The following STK24 variants were observed in gnomAD, a reference collection of about 807,000 sequenced individuals.
STK24 encodes the protein serine/threonine kinase 24, also known as serine/threonine-protein kinase 24.
A neutral mutation model predicts 55.6 loss-of-function variants in STK24; 21 were observed. That is an observed-to-expected ratio of 0.38 (90% CI 0.27 to 0.54). The LOEUF is 0.54. Ranked by LOEUF, STK24 falls within the 20% of genes least tolerant of loss-of-function variation. The pLI, the probability that STK24 is intolerant of heterozygous loss-of-function variation, is 0.79. For missense variants in STK24, 383 were observed against 538.4 expected (o/e 0.71, Z 2.86); for synonymous variants, 200 against 215.2 (o/e 0.93, Z 0.62).
chr13:98,553,993 T>A (rs761731166), intron 1 of STK24, among the ~76,000 whole-genome samples: 2 of 145,522 alleles, frequency 1.4e-5, no homozygotes, highest in Admixed American at 7.0e-5. Flanking sequence ...ACCCAGGAGG[T>A]GGAGGCTGCA....
chr13:98,445,983 A>T lies in STK24; in HGVS notation c.*7190T>A, dbSNP rs1892808709. 1.5e-6 allele frequency: 1 copy of T among 683,708 alleles called. No individual in the cohort carries two copies. Among genetic ancestry groups the T allele is most frequent in the Admixed American group, 2.6e-5 (1 of 37,860 alleles). 42.4% of individuals were successfully genotyped at this position (683,708 alleles called of 1,614,324 possible). On this transcript the variant is annotated 3_prime_UTR_variant, in exon 11 of 11. Coordinates refer to ENST00000539966, the MANE Select transcript of STK24 (RefSeq NM_001032296.4). ...ACGGGGGAGCGGGGGTGGGGCCCAC[A>T]TCCTTCAGTCACGGACATGCCCCAG...
chr13:98,511,708 G>A (rs1359817371), intron 2 of STK24, among the ~76,000 whole-genome samples: 2 of 152,178 alleles, frequency 1.3e-5, no homozygotes, highest in Non-Finnish European at 1.5e-5. Context: ...CAACAGATGT[G>A]TGATTCCATC....
At chr13:98,529,509 C>T (rs898103987) in intron 1 of STK24, among the ~76,000 whole-genome samples, 4 of 152,186 alleles carry the variant, frequency 2.6e-5, no homozygotes, top group African/African-American at 9.7e-5. Flanking sequence ...GAATCTAAAC[C>T]CCAAAGCTCC....
intron 2 of STK24, among the ~76,000 whole-genome samples, chr13:98,494,798 C>T (rs1472316463): frequency 1.3e-5 from 2 of 152,196 alleles, no homozygotes; most frequent in Non-Finnish European, 2.9e-5. Flanking sequence ...AACAGTCACA[C>T]TGCACTAGGG....
At chr13:98,486,347 G>A (rs1894807082) in intron 2 of STK24, among the ~76,000 whole-genome samples, 1 of 152,132 alleles carries the variant, frequency 6.6e-6, no homozygotes, top group Non-Finnish European at 1.5e-5. Context: ...CAACATGGGC[G>A]CCAGAAGAGG....
At chr13:98,548,507 A>C (rs1056900042) in intron 1 of STK24, among the ~76,000 whole-genome samples, 2 of 152,132 alleles carry the variant, frequency 1.3e-5, no homozygotes, top group African/African-American at 4.8e-5. Flanking sequence ...CTCAAATCAC[A>C]CAGCTGATGA....
intron 2 of STK24, among the ~76,000 whole-genome samples, chr13:98,494,183 G>A (rs1332663807): frequency 6.9e-6 from 1 of 145,896 alleles, no homozygotes; most frequent in South Asian, 2.2e-4. Flanking sequence ...AGGCCGAGGC[G>A]GGTGGATCAC....
intron 1 of STK24, among the ~76,000 whole-genome samples, chr13:98,526,181 C>A (rs189491381): frequency 1.1e-3 from 162 of 152,324 alleles, no homozygotes; most frequent in South Asian, 4.4e-3. Context: ...GTCCTGTTTT[C>A]TCTCAGTCTT....
At chr13:98,510,695 T>G (rs1895851574) in intron 2 of STK24, among the ~76,000 whole-genome samples, 1 of 152,158 alleles carries the variant, frequency 6.6e-6, no homozygotes, top group African/African-American at 2.4e-5. Flanking sequence ...TACACTTATA[T>G]GAGGTGTCCA....
intron 1 of STK24, among the ~76,000 whole-genome samples, chr13:98,533,088 T>C (rs1336154393): frequency 6.6e-6 from 1 of 152,158 alleles, no homozygotes; most frequent in African/African-American, 2.4e-5. Flanking sequence ...CACAATCAAT[T>C]AGTTTTCAGG....
chr13:98,453,043 C>G lies in STK24; in HGVS notation c.*130G>C, dbSNP rs754761550. On this transcript the variant is annotated 3_prime_UTR_variant, in exon 11 of 11. Transcript: ENST00000539966. ...ACTGTGTGTGTCCCTGGACGGGCGCCTGGCGCTGGGGTGGCTCCCAGTGGC... is the reference window on the plus strand; with the variant it reads ...ACTGTGTGTGTCCCTGGACGGGCGCGTGGCGCTGGGGTGGCTCCCAGTGGC... 5.9e-6 allele frequency: 6 copies of G among 1,014,554 alleles called. No homozygotes were observed. The highest frequency in any genetic ancestry group is 8.8e-6 in the Non-Finnish European group (6 of 682,218). 62.8% of individuals were successfully genotyped at this position (1,014,554 alleles called of 1,614,324 possible). A position where few individuals can be genotyped will look rare whatever the true frequency, so the allele number is the denominator to read the frequency against.
chr13:98,568,629 G>A (rs960831668), intron 1 of STK24, among the ~76,000 whole-genome samples: 12 of 152,170 alleles, frequency 7.9e-5, no homozygotes, highest in African/African-American at 2.7e-4. Flanking sequence ...CACTTTGGGA[G>A]GCCGAGGCAT....
chr13:98,485,767 G>A (rs1193574307), intron 2 of STK24, among the ~76,000 whole-genome samples: 33 of 152,212 alleles, frequency 2.2e-4, no homozygotes, highest in Non-Finnish European at 3.4e-4. Context: ...ATCATTTTGC[G>A]AAGGCGGTTT....
At chr13:98,510,662 C>T (rs1566376720) in intron 2 of STK24, among the ~76,000 whole-genome samples, 1 of 152,198 alleles carries the variant, frequency 6.6e-6, no homozygotes, top group Non-Finnish European at 1.5e-5. Context: ...AAACCAGACA[C>T]AACAGGACAC....
chr13:98,568,697 T>A lies in STK24; in HGVS notation c.42+8048A>T, dbSNP rs538735496. Among the ~76,000 whole-genome samples the A allele has an allele frequency of 3.3e-5, 5 of 151,914 alleles. No homozygotes were observed. The South Asian group carries it at 8.3e-4, about 25-fold the overall frequency. ...GCCTGCTCCACATGGTGAAACCTCA[T>A]CTCTACTAAAAAATACAAAAATTAG... On this transcript the variant is annotated intron_variant, in intron 1 of 10. Coordinates refer to ENST00000539966, the MANE Select transcript of STK24 (RefSeq NM_001032296.4).
intron 1 of STK24, among the ~76,000 whole-genome samples, chr13:98,535,690 A>G (rs1005248976): frequency 1.2e-4 from 19 of 152,126 alleles, no homozygotes; most frequent in Non-Finnish European, 2.5e-4. Flanking sequence ...TACACAGCTG[A>G]GACAATTCGG....
At chr13:98,520,516 AG>A (rs1446113343) in intron 1 of STK24, among the ~76,000 whole-genome samples, 1 of 152,256 alleles carries the variant, frequency 6.6e-6, no homozygotes, top group African/African-American at 2.4e-5. Context: ...GAACAAGCAC[AG>A]GGAGGAGAGG....
chr13:98,498,881 T>C (rs1895342742), intron 2 of STK24, among the ~76,000 whole-genome samples: 1 of 152,068 alleles, frequency 6.6e-6, no homozygotes, highest in Non-Finnish European at 1.5e-5. Flanking sequence ...TGGGGAAAAA[T>C]GTTCTGGTAA....
At chr13:98,453,303 A>G in intron 10 of STK24, 94 bp from the exon 11 acceptor site, 1 of 1,307,768 alleles carries the variant, frequency 7.6e-7, no homozygotes, top group East Asian at 2.4e-5. Flanking sequence ...TTTTCATAAG[A>G]AATTCCAAGT....
Sources: gnomAD v4.1 joint callset for allele counts (sites outside exome capture counted in the v4.1 genomes callset) on GRCh38, gnomAD v4.1.1 for gene constraint, MANE v1.5 for transcripts, NCBI Gene and HGNC (gene_info 2026-07-23, HGNC 2026-07-21) for gene names.